The following CRTC1 variants were observed in gnomAD, a reference collection of about 807,000 sequenced individuals.
CRTC1 encodes CREB regulated transcription coactivator 1, also known as CREB-regulated transcription coactivator 1.
A neutral mutation model predicts 66.1 loss-of-function variants in CRTC1; 18 were observed. The ratio of observed to expected loss-of-function variants is 0.27; its 90% CI spans 0.19 to 0.40. The LOEUF is 0.40. CRTC1 is among the 10% of genes least tolerant of loss of function. The pLI is 1.00. For synonymous variants in CRTC1, 416 were observed against 398.8 expected, an observed-to-expected ratio of 1.04 and a Z score of -0.51; for missense variants, 669 against 887.9, an observed-to-expected ratio of 0.75 and a Z score of 3.13.
At chr19:18,691,946 C>G (rs1238415638) in intron 1 of CRTC1, among the ~76,000 whole-genome samples, 3 of 152,150 alleles carry the variant, frequency 2.0e-5, no homozygotes, top group African/African-American at 7.2e-5. Flanking sequence ...CTCCTGGCCT[C>G]AAATGATCCA....
intron 1 of CRTC1, among the ~76,000 whole-genome samples, chr19:18,700,114 A>G (rs2053097417): frequency 6.6e-6 from 1 of 152,174 alleles, no homozygotes; most frequent in Non-Finnish European, 1.5e-5. Flanking sequence ...GAACGTCACC[A>G]CTATAGCGGC....
intron 6 of CRTC1, among the ~76,000 whole-genome samples, chr19:18,756,438 A>G (rs2054491133): frequency 6.6e-6 from 1 of 151,608 alleles, no homozygotes; most frequent in Admixed American, 6.6e-5. Flanking sequence ...CTTGAGCCCA[A>G]GAGTTTGAGA....
At chr19:18,717,224 C>CT (rs2053529444) in intron 1 of CRTC1, among the ~76,000 whole-genome samples, 1 of 151,928 alleles carries the variant, frequency 6.6e-6, no homozygotes, top group African/African-American at 2.4e-5. Context: ...CAGGGTGGGG[C>CT]TGAGAGGGGG....
chr19:18,726,628 C>T (rs2053758505), intron 1 of CRTC1, among the ~76,000 whole-genome samples: 1 of 152,132 alleles, frequency 6.6e-6, no homozygotes, highest in South Asian at 2.1e-4. Flanking sequence ...TGACTGGTGT[C>T]CTTATAAAGA....
chr19:18,695,740 C>G (rs2052969667), intron 1 of CRTC1, among the ~76,000 whole-genome samples: 2 of 152,158 alleles, frequency 1.3e-5, no homozygotes, highest in Non-Finnish European at 2.9e-5. Context: ...TGGTGGGCGC[C>G]TGTGGTCCCA....
intron 1 of CRTC1, among the ~76,000 whole-genome samples, chr19:18,691,306 A>G (rs2145476842): frequency 6.6e-6 from 1 of 152,126 alleles, no homozygotes; most frequent in South Asian, 2.1e-4. Context: ...ACTTGAAGCC[A>G]GGAGTTTGAG....
rs372861916 is a variant in CRTC1, at chr19:18,759,960, G to GCCCCCTGT, written c.666-44_666-43insCTGTCCCC. 109 of 1,343,296 alleles carry GCCCCCTGT rather than the reference G, an allele frequency of 8.1e-5. No homozygotes were observed. The African/African-American group carries it at 1.0e-3, about 13-fold the overall frequency. The allele number at this position is 1,343,296 out of a possible 1,614,324, so 83.2% of individuals were successfully genotyped here. A position where few individuals can be genotyped will look rare whatever the true frequency, so the allele number is the denominator to read the frequency against. ...CGCCAGCCCCCTGTCCCCGCCGCCA[G>GCCCCCTGT]CCCCGCCCCATGAGCTCACCTCCTG... On this transcript the variant is annotated intron_variant, in intron 7 of 13. Coordinates refer to ENST00000321949, the MANE Select transcript of CRTC1 (RefSeq NM_015321.3).
At chr19:18,697,130 G>A (rs1312122351) in intron 1 of CRTC1, among the ~76,000 whole-genome samples, 1 of 152,174 alleles carries the variant, frequency 6.6e-6, no homozygotes, top group African/African-American at 2.4e-5. Context: ...AGGAAGTGCC[G>A]CGTGCCTCGA....
intron 9 of CRTC1, among the ~76,000 whole-genome samples, chr19:18,767,132 AAAAAC>A (rs1315082679): frequency 2.0e-5 from 3 of 152,084 alleles, no homozygotes; most frequent in African/African-American, 7.2e-5. Context: ...TTGTCTTTTT[AAAAAC>A]AAAACAAAAA....
intron 11 of CRTC1, among the ~76,000 whole-genome samples, chr19:18,774,179 C>G (rs1361011033): frequency 6.6e-6 from 1 of 152,166 alleles, no homozygotes; most frequent in Non-Finnish European, 1.5e-5. Context: ...CTCCTCGCCT[C>G]CACACCCCAG....
In CRTC1 at chr19:18,771,467, C is replaced by A. The variant is rs1186410192; in HGVS notation, c.1346C>A (p.Thr449Asn). 5.0e-6 allele frequency: 8 copies of A among 1,613,598 alleles called. No homozygotes were observed. In the East Asian group the frequency reaches 1.8e-4, roughly 36 times the overall value. The change falls in exon 11 of 14, where the codon ACT (threonine) becomes AAT (asparagine). Residue 449 changes from threonine to asparagine, a missense_variant. Physicochemically the swap from Thr to Asn is moderately conservative, Grantham distance 65 (BLOSUM62 0). Coordinates refer to ENST00000321949, the MANE Select transcript of CRTC1 (RefSeq NM_015321.3). This position sits in a 1 kb window ranked among gnomAD's most constrained non-coding sequence, Gnocchi z 4.6. ...ASAPALQQYR[T>N]SAGSPANQSP... ...GCGCCGGCTCTGCAGCAGTACCGCA[C>A]TAGCGCCGGCTCCCCGGCCAACCAG...
At chr19:18,695,248 G>T (rs374928128) in intron 1 of CRTC1, among the ~76,000 whole-genome samples, 14 of 151,990 alleles carry the variant, frequency 9.2e-5, no homozygotes, top group East Asian at 3.9e-4. Context: ...CTCGAGACCT[G>T]CCCGCCTTCG....
intron 11 of CRTC1, among the ~76,000 whole-genome samples, chr19:18,772,456 C>T (rs1245256329): frequency 6.6e-6 from 1 of 152,212 alleles, no homozygotes; most frequent in Non-Finnish European, 1.5e-5. Flanking sequence ...AGCTGAGAAA[C>T]CCCTAGCAGC....
At position 18,777,415 on chromosome 19, in the gene CRTC1, C is replaced by G; in HGVS notation, c.*33C>G. The G allele has an allele frequency of 6.3e-7, 1 of 1,576,194 alleles. No homozygotes were observed. The highest frequency in any genetic ancestry group is 8.6e-7 in the Non-Finnish European group (1 of 1,159,450). On this transcript the variant is annotated 3_prime_UTR_variant, in exon 14 of 14. Transcript: ENST00000321949. The surrounding 1 kb of genome is among the most constrained non-coding windows in gnomAD (Gnocchi z 5.5). ...CGCCGGCACCCTGCCGCTCAGCCGT[C>G]CCGACGGCGCCTCCCCAGCCCGGGG...
chr19:18,780,952 CTGAGT>C lies in CRTC1; in HGVS notation c.*3572_*3576del, dbSNP rs1375156025. ...CCAAACTCGGGCTGCGACCTGCTTC[CTGAGT>C]TTTCTGTATTTCCAAGGAGCCCTCC... On this transcript the variant is annotated 3_prime_UTR_variant, in exon 14 of 14. Transcript: ENST00000321949. The C allele has an allele frequency of 4.5e-6, 1 of 223,406 alleles. No homozygotes were observed. Among genetic ancestry groups the C allele is most frequent in the Admixed American group, 5.7e-5 (1 of 17,432 alleles). 13.8% of individuals were successfully genotyped at this position (223,406 alleles called of 1,614,324 possible). A position where few individuals can be genotyped will look rare whatever the true frequency, so the allele number is the denominator to read the frequency against.
At chr19:18,734,991 A>AC (rs1312779967) in intron 1 of CRTC1, among the ~76,000 whole-genome samples, 1 of 152,106 alleles carries the variant, frequency 6.6e-6, no homozygotes. Context: ...TGCATCCCTT[A>AC]CCCCTATGGC....
Position 18,747,082 on chromosome 19 carries a change from C to T in CRTC1, c.411C>T (p.Tyr137=). ...QADSCPYGTM[Y]LSPPADTSWR... is the part of the protein sequence containing the mutation. ...ACAGCTGCCCCTATGGCACCATGTACCTCTCACCACCCGCGGACACCAGCT... is the reference window on the plus strand; with the variant it reads ...ACAGCTGCCCCTATGGCACCATGTATCTCTCACCACCCGCGGACACCAGCT... The change falls in exon 4 of 14, where the codon TAC becomes TAT. Residue 137 remains tyrosine (Y), a synonymous_variant. Transcript: ENST00000321949. 6.2e-7 allele frequency: 1 copy of T among 1,613,202 alleles called. No homozygotes were observed. Among genetic ancestry groups the T allele is most frequent in the Non-Finnish European group, 8.5e-7 (1 of 1,179,734 alleles).
chr19:18,779,367 G>T lies in CRTC1; in HGVS notation c.*1985G>T, dbSNP rs2055059525. 4.4e-6 allele frequency: 1 copy of T among 226,494 alleles called. No homozygotes were observed. The highest frequency in any genetic ancestry group is 6.3e-5 in the East Asian group (1 of 15,758). The allele number at this position is 226,494 out of a possible 1,614,324, so 14.0% of individuals were successfully genotyped here. On this transcript the variant is annotated 3_prime_UTR_variant, in exon 14 of 14. Transcript: ENST00000321949. ...GTCACGTTGCTCCTGCTGCCGTCTT[G>T]TTCCAAGGTGCGGGGGGGACACTGT...
In CRTC1 at chr19:18,749,980, G is replaced by A. The variant is rs2054327742; in HGVS notation, c.538+105G>A. ...GCTTGTGGGCAGATGGCTCTTCAAA[G>A]GAAGACTCAGACCATGCTGAGGGAT... On this transcript the variant is annotated intron_variant, in intron 5 of 13. Transcript: ENST00000321949. The A allele has an allele frequency of 8.2e-6, 7 of 855,964 alleles. No homozygotes were observed. The South Asian group carries it at 1.0e-4, about 12-fold the overall frequency. The allele number at this position is 855,964 out of a possible 1,614,324, so 53.0% of individuals were successfully genotyped here. A position where few individuals can be genotyped will look rare whatever the true frequency, so the allele number is the denominator to read the frequency against.
Sources: gnomAD v4.1 joint callset for allele counts (sites outside exome capture counted in the v4.1 genomes callset) on GRCh38, gnomAD v4.1.1 for gene constraint, Gnocchi (gnomAD v3.1) non-coding constraint, MANE v1.5 for transcripts, NCBI Gene and HGNC (gene_info 2026-07-23, HGNC 2026-07-21) for gene names.